Variants in NFATC1 observed in about 807,000 individuals in gnomAD.
The protein encoded by NFATC1 is nuclear factor of activated T-cells, cytoplasmic 1.
Under a neutral mutation model 76.0 loss-of-function variants are expected in NFATC1, and 22 were observed. The ratio of observed to expected loss-of-function variants is 0.29; its 90% CI spans 0.21 to 0.41. The LOEUF (loss-of-function observed/expected upper bound fraction) is 0.41. NFATC1 is among the 10% of genes least tolerant of loss of function. The pLI, the probability that NFATC1 is intolerant of heterozygous loss-of-function variation, is 1.00. For synonymous variants in NFATC1, 704 were observed against 613.1 expected (o/e 1.15, Z -2.19); for missense variants, 1,357 against 1,337.7 (o/e 1.01, Z -0.23).
At position 79,402,248 on chromosome 18, in the gene NFATC1, C is replaced by A. The variant is rs547511992; in HGVS notation, c.127+5897C>A. 5.9e-4 allele frequency: 464 copies of A among 783,758 alleles called. 4 individuals are homozygous for A. The African/African-American group carries it at 8.1e-3, about 14-fold the overall frequency. The allele number at this position is 783,758 out of a possible 1,614,324, so 48.6% of individuals were successfully genotyped here. A position where few individuals can be genotyped will look rare whatever the true frequency, so the allele number is the denominator to read the frequency against. ...GGAGGCCAGTCTCTGCCCCTCGAGG[C>A]CTAGTCTCACAAGGACGCCACAGTT... On this transcript the variant is annotated intron_variant, in intron 1 of 9. Coordinates refer to ENST00000427363, the MANE Select transcript of NFATC1 (RefSeq NM_001278669.2).
intron 2 of NFATC1, among the ~76,000 whole-genome samples, chr18:79,416,034 C>T (rs1054340646): frequency 5.3e-5 from 8 of 152,226 alleles, no homozygotes; most frequent in Non-Finnish European, 1.0e-4. Context: ...TGCACTCCAG[C>T]CTGGGCGAGA....
intron 2 of NFATC1, among the ~76,000 whole-genome samples, chr18:79,412,393 G>A (rs377767269): frequency 2.1e-4 from 32 of 152,014 alleles, no homozygotes; most frequent in South Asian, 4.2e-4. Context: ...CGTTTGCCAC[G>A]CGCAGCCCGG....
chr18:79,458,700 T>G (rs1237857383), intron 6 of NFATC1, among the ~76,000 whole-genome samples: 2 of 152,198 alleles, frequency 1.3e-5, no homozygotes, highest in Non-Finnish European at 2.9e-5. Context: ...CCGGCTGCCT[T>G]CCTTCCTGCC....
rs114173626 is a variant in NFATC1, at chr18:79,435,206, G to A, written c.1386+1468G>A. 2.5e-3 allele frequency among the ~76,000 whole-genome samples: 388 copies of A among 152,288 alleles called. 2 individuals are homozygous for A. Among genetic ancestry groups the A allele is most frequent in the African/African-American group, 8.5e-3 (355 of 41,548 alleles). On this transcript the variant is annotated intron_variant, in intron 3 of 9. Transcript: ENST00000427363. Reference sequence around the variant, plus strand: ...CACCCTATTTGCTGTAAATTATGTCGGTGAGGGGCACTGACGTCGCCCTTT... The same window carrying A: ...CACCCTATTTGCTGTAAATTATGTCAGTGAGGGGCACTGACGTCGCCCTTT...
At chr18:79,437,299 A>G (rs984042594) in intron 3 of NFATC1, among the ~76,000 whole-genome samples, 1 of 152,094 alleles carries the variant, frequency 6.6e-6, no homozygotes, top group African/African-American at 2.4e-5. Context: ...CCTGCTTAGG[A>G]CTCACCTTGC....
intron 9 of NFATC1, among the ~76,000 whole-genome samples, chr18:79,488,314 G>GTGTGTGTGTGTT (rs1383569175): frequency 6.9e-6 from 1 of 144,610 alleles, no homozygotes; most frequent in African/African-American, 2.7e-5. Context: ...GTGTGTGTGT[G>GTGTGTGTGTGTT]TGTGTGTGTG....
intron 3 of NFATC1, among the ~76,000 whole-genome samples, chr18:79,438,343 G>C (rs2086854259): frequency 1.3e-5 from 2 of 152,236 alleles, no homozygotes; most frequent in African/African-American, 4.8e-5. Flanking sequence ...GAAGGGCCCA[G>C]GGCCTTGAGA....
At chr18:79,487,104 G>A (rs113636662) in intron 9 of NFATC1, among the ~76,000 whole-genome samples, 167 bp downstream of exon 9, 8 of 152,168 alleles carry the variant, frequency 5.3e-5, no homozygotes, top group Admixed American at 1.3e-4. Context: ...GCGGTGCCAC[G>A]GCGTCAGCGC....
intron 7 of NFATC1, among the ~76,000 whole-genome samples, chr18:79,461,812 C>T (rs1449751881): frequency 6.6e-6 from 1 of 152,216 alleles, no homozygotes; most frequent in Non-Finnish European, 1.5e-5. Context: ...CTCACAGCAC[C>T]GAGGGCAGGG....
At chr18:79,472,577 C>A (rs939500431) in intron 8 of NFATC1, among the ~76,000 whole-genome samples, 1 of 152,242 alleles carries the variant, frequency 6.6e-6, no homozygotes, top group Non-Finnish European at 1.5e-5. Context: ...ATCACCCTTT[C>A]GCTGCCATTG....
intron 6 of NFATC1, among the ~76,000 whole-genome samples, chr18:79,456,520 C>T (rs987907887): frequency 6.6e-6 from 1 of 152,238 alleles, no homozygotes; most frequent in Admixed American, 6.5e-5. Flanking sequence ...GCCACCCTGC[C>T]CCTCTCCTCC....
In NFATC1 at chr18:79,527,634, C is replaced by G. The variant is rs966967486; in HGVS notation, c.*57C>G. ...GTATGCTGACTTCAGCAGACAAAGA[C>G]TTTTGAATAAATAAACTGAACTCAC... On this transcript the variant is annotated 3_prime_UTR_variant, in exon 10 of 10. Coordinates refer to ENST00000427363, the MANE Select transcript of NFATC1 (RefSeq NM_001278669.2). 1.7e-5 allele frequency: 25 copies of G among 1,506,152 alleles called. No individual in the cohort carries two copies. The highest frequency in any genetic ancestry group is 2.0e-5 in the Non-Finnish European group (22 of 1,084,380). 93.3% of individuals were successfully genotyped at this position (1,506,152 alleles called of 1,614,324 possible).
At position 79,410,806 on chromosome 18, in the gene NFATC1, G is replaced by C; in HGVS notation, c.531G>C (p.Leu177=). ...CGTGCCTGAGCCCGGCCAGCAGCCTGTCCTCCCGGAGCTGCAACTCAGAGG... is the reference window on the plus strand; with the variant it reads ...CGTGCCTGAGCCCGGCCAGCAGCCTCTCCTCCCGGAGCTGCAACTCAGAGG... ...DPSCLSPASS[L]SSRSCNSEAS... The change falls in exon 2 of 10, where the codon CTG becomes CTC. Residue 177 remains leucine (L), a synonymous_variant. Transcript: ENST00000427363. The surrounding 1 kb of genome is among the most constrained non-coding windows in gnomAD (Gnocchi z 6.7). The C allele has an allele frequency of 6.2e-7, 1 of 1,612,568 alleles. No homozygotes were observed. The highest frequency in any genetic ancestry group is 1.7e-5 in the Admixed American group (1 of 59,982).
At chr18:79,458,306 C>T (rs1422104780) in intron 6 of NFATC1, among the ~76,000 whole-genome samples, 2 of 147,400 alleles carry the variant, frequency 1.4e-5, no homozygotes, top group Admixed American at 6.6e-5. Flanking sequence ...GAGGACGCCG[C>T]GGGGAGCAGG....
At chr18:79,431,113 C>T (rs1219711316) in intron 2 of NFATC1, among the ~76,000 whole-genome samples, 2 of 152,196 alleles carry the variant, frequency 1.3e-5, no homozygotes, top group African/African-American at 4.8e-5. Context: ...CCAGCAGGCA[C>T]CCGCAGGGCC....
intron 9 of NFATC1, among the ~76,000 whole-genome samples, chr18:79,518,614 C>A (rs1432421594): frequency 6.6e-6 from 1 of 152,238 alleles, no homozygotes; most frequent in Non-Finnish European, 1.5e-5. Flanking sequence ...CTGAGATCCC[C>A]CAAGGAGCCA....
At chr18:79,478,223 G>C (rs796475730) in intron 8 of NFATC1, among the ~76,000 whole-genome samples, 1 of 151,544 alleles carries the variant, frequency 6.6e-6, no homozygotes, top group Non-Finnish European at 1.5e-5. Context: ...GGTGGGGCAG[G>C]CTTGTGCCTG....
At chr18:79,424,973 G>GTT (rs2086251245) in intron 2 of NFATC1, among the ~76,000 whole-genome samples, 1 of 100,280 alleles carries the variant, frequency 1.0e-5, no homozygotes, top group Non-Finnish European at 1.9e-5. Flanking sequence ...CTCCGTCTCT[G>GTT]TCTCTCTGTC....
At position 79,433,641 on chromosome 18, in the gene NFATC1, T is replaced by C. The variant is rs2086673830; in HGVS notation, c.1289T>C (p.Ile430Thr). The C allele has an allele frequency of 6.2e-7, 1 of 1,612,832 alleles. No individual in the cohort carries two copies. Among genetic ancestry groups the C allele is most frequent in the Admixed American group, 1.7e-5 (1 of 59,982 alleles). Residue 430 changes from isoleucine (I) to threonine (T), a missense_variant, in exon 3 of 10, where the codon ATT becomes ACT. Coordinates refer to ENST00000427363, the MANE Select transcript of NFATC1 (RefSeq NM_001278669.2). ...CACTCAGGCCCGTATGAGCTTCGGATTGAGGTGCAGCCCAAGTCCCACCAC... is the reference window on the plus strand; with the variant it reads ...CACTCAGGCCCGTATGAGCTTCGGACTGAGGTGCAGCCCAAGTCCCACCAC... ...PSHSGPYELR[I>T]EVQPKSHHRA...
Sources: gnomAD v4.1 joint callset for allele counts (sites outside exome capture counted in the v4.1 genomes callset) on GRCh38, gnomAD v4.1.1 for gene constraint, Gnocchi (gnomAD v3.1) non-coding constraint, MANE v1.5 for transcripts, NCBI Gene and HGNC (gene_info 2026-07-23, HGNC 2026-07-21) for gene names.